Variants in AGAP3 observed in about 807,000 individuals in gnomAD.
The protein encoded by AGAP3 is arf-GAP with GTPase, ANK repeat and PH domain-containing protein 3.
In AGAP3, 24 loss-of-function variants were observed where a neutral mutation model predicts 96.9. The ratio of observed to expected loss-of-function variants is 0.25; its 90% CI spans 0.18 to 0.35. The LOEUF is 0.35. AGAP3 is among the 10% of genes least tolerant of loss of function. The pLI is 1.00. For synonymous variants in AGAP3, 563 were observed against 536.1 expected, an observed-to-expected ratio of 1.05 and a Z score of -0.69; for missense variants, 876 against 1,254.2, an observed-to-expected ratio of 0.70 and a Z score of 4.55.
intron 1 of AGAP3, among the ~76,000 whole-genome samples, chr7:151,110,271 T>A (rs1054234127): frequency 6.6e-6 from 1 of 152,210 alleles, no homozygotes; most frequent in Non-Finnish European, 1.5e-5. Context: ...GCCACCTTCA[T>A]GTGCCTGGCA....
chr7:151,123,193 A>AGCCGCC (rs1046346361), intron 8 of AGAP3: 80 of 1,051,348 alleles, frequency 7.6e-5, no homozygotes, highest in Non-Finnish European at 8.6e-5. Flanking sequence ...CTGCTCCGGA[A>AGCCGCC]GCCGCCGCCG....
In AGAP3 at chr7:151,087,145, C is replaced by A. The variant is rs766244980; in HGVS notation, c.331+73C>A. ...GGCGCCGGCCGAGGGCTCCACAGGC[C>A]GTGCCTGGCCATGCTCTCCCTGTCG... On this transcript the variant is annotated intron_variant, in intron 1 of 17. Transcript: ENST00000397238. 59 of 1,471,948 alleles carry A rather than the reference C, an allele frequency of 4.0e-5. No homozygotes were observed. The East Asian group carries it at 1.4e-3, about 36-fold the overall frequency. 91.2% of individuals were successfully genotyped at this position (1,471,948 alleles called of 1,614,324 possible). A position where few individuals can be genotyped will look rare whatever the true frequency, so the allele number is the denominator to read the frequency against.
Position 151,123,875 on chromosome 7 carries a change from C to G in AGAP3, c.1210C>G (p.Pro404Ala). The G allele has an allele frequency of 6.2e-7, 1 of 1,608,628 alleles. No individual in the cohort carries two copies. The stretch of plus-strand genomic sequence containing the variant: ...CAGCATCGGGAGCGGCCGCGCCATC[C>G]CCATCAAGCAGGTCAGCGCCTCCCT... ...VDSIGSGRAI[P>A]IKQGILLKRS... Residue 404 changes from proline to alanine, a missense_variant, in exon 9 of 18, where the codon CCC becomes GCC. Pro to Ala is a conservative substitution (Grantham distance 27, BLOSUM62 -1). Around this residue, in one of 8 missense-constraint regions of AGAP3, gnomAD observed 49 missense variants for 41.7 expected, o/e 1.17. Transcript: ENST00000397238.
chr7:151,141,170 G>A lies in AGAP3; in HGVS notation c.1805-728G>A, dbSNP rs1800798368. On this transcript the variant is annotated intron_variant, in intron 13 of 17. Coordinates refer to ENST00000397238, the MANE Select transcript of AGAP3 (RefSeq NM_031946.7). This position sits in a 1 kb window ranked among gnomAD's most constrained non-coding sequence, Gnocchi z 4.2. Reference sequence around the variant, plus strand: ...TTAGGAATTGTTCACCCATGGGGCAGTGACCATTGGGAATGAGATTCATGC... The same window carrying A: ...TTAGGAATTGTTCACCCATGGGGCAATGACCATTGGGAATGAGATTCATGC... The A allele has an allele frequency of 6.6e-6, 1 of 152,486 alleles. No individual in the cohort carries two copies. Among genetic ancestry groups the A allele is most frequent in the South Asian group, 2.1e-4 (1 of 4,836 alleles). 9.4% of individuals were successfully genotyped at this position (152,486 alleles called of 1,614,324 possible).
At chr7:151,129,768 C>T (rs1800332547) in intron 10 of AGAP3, among the ~76,000 whole-genome samples, 1 of 151,202 alleles carries the variant, frequency 6.6e-6, no homozygotes, top group Non-Finnish European at 1.5e-5. Context: ...GGCAGCCAGG[C>T]CTGCTGGGAA....
rs373422124 is a variant in AGAP3 at position 151,120,304 on chromosome 7, G to A, written c.1128+159G>A. On this transcript the variant is annotated intron_variant, in intron 8 of 17. Coordinates refer to ENST00000397238, the MANE Select transcript of AGAP3 (RefSeq NM_031946.7). Reference sequence around the variant, plus strand: ...CACACGGCTCCCGAGGGTCCTTGCCGGTGCCCTCAGAGTCTTCCAGACTGT... The same window carrying A: ...CACACGGCTCCCGAGGGTCCTTGCCAGTGCCCTCAGAGTCTTCCAGACTGT... 9.8e-5 allele frequency among the ~76,000 whole-genome samples: 15 copies of A among 152,292 alleles called. No individual in the cohort carries two copies. In the East Asian group the frequency reaches 2.7e-3, roughly 27 times the overall value.
Position 151,104,855 on chromosome 7 carries a change from A to G in AGAP3, c.332-11938A>G, listed in dbSNP as rs1198299215. Among the ~76,000 whole-genome samples the G allele has an allele frequency of 3.3e-5, 5 of 152,324 alleles. No individual in the cohort carries two copies. The South Asian group carries it at 1.0e-3, about 32-fold the overall frequency. The stretch of plus-strand genomic sequence containing the variant: ...GACGTGACTGTCCCTCAGCAGGGGA[A>G]GGGTTGAAGAACGGACAGAACATGC... On this transcript the variant is annotated intron_variant, in intron 1 of 17. Coordinates refer to ENST00000397238, the MANE Select transcript of AGAP3 (RefSeq NM_031946.7).
At chr7:151,122,656 C>T (rs1041626316) in intron 8 of AGAP3, 12 of 1,595,120 alleles carry the variant, frequency 7.5e-6, no homozygotes, top group African/African-American at 2.7e-5. Flanking sequence ...CTGCCCTCAC[C>T]GGTGCTGACC....
chr7:151,123,225 C>G (rs564605924), intron 8 of AGAP3: 2 of 1,075,312 alleles, frequency 1.9e-6, no homozygotes, highest in East Asian at 1.8e-4. Flanking sequence ...GCCTTGCCCC[C>G]TCTTTTTGGC....
rs757056103 is a variant in AGAP3, at chr7:151,143,223, C to G, written c.2274-118C>G. 5.6e-5 allele frequency: 72 copies of G among 1,284,322 alleles called. No homozygotes were observed. Among genetic ancestry groups the G allele is most frequent in the Non-Finnish European group, 7.3e-5 (68 of 937,508 alleles). 79.6% of individuals were successfully genotyped at this position (1,284,322 alleles called of 1,614,324 possible). A position where few individuals can be genotyped will look rare whatever the true frequency, so the allele number is the denominator to read the frequency against. ...TCCTTTTTGCTCCATCTCATCTTCT[C>G]TCACTGTTTCTTCCTTGTTCCCCCG... On this transcript the variant is annotated intron_variant, in intron 16 of 17. Transcript: ENST00000397238. This position sits in a 1 kb window ranked among gnomAD's most constrained non-coding sequence, Gnocchi z 5.9.
chr7:151,121,275 C>G (rs1383100252), intron 8 of AGAP3, among the ~76,000 whole-genome samples: 1 of 152,158 alleles, frequency 6.6e-6, no homozygotes. Context: ...TGCAGCTGCC[C>G]GGCCCTGACC....
chr7:151,098,661 A>G (rs1453623355), intron 1 of AGAP3, among the ~76,000 whole-genome samples: 1 of 152,080 alleles, frequency 6.6e-6, no homozygotes, highest in Non-Finnish European at 1.5e-5. Flanking sequence ...TTAAAAATAA[A>G]TAAATAACAA....
In AGAP3 at chr7:151,140,077, G is replaced by C; in HGVS notation, c.1765G>C (p.Gly589Arg). 1 of 1,605,060 alleles carries C rather than the reference G, an allele frequency of 6.2e-7. No homozygotes were observed. The highest frequency in any genetic ancestry group is 8.5e-7 in the Non-Finnish European group (1 of 1,176,284). ...RKKHRRKKST[G>R]TPRPDGPSSA... ...GAAGCACCGGAGGAAAAAGAGCACC[G>C]GGACCCCCCGACCAGACGGCCCCAG... Residue 589 changes from glycine to arginine, a missense_variant, in exon 13 of 18, where the codon GGG (glycine) becomes CGG (arginine). Coordinates refer to ENST00000397238, the MANE Select transcript of AGAP3 (RefSeq NM_031946.7). The surrounding 1 kb of genome is among the most constrained non-coding windows in gnomAD (Gnocchi z 5.4).
rs1033400821 is a variant in AGAP3, at chr7:151,143,043, G to A, written c.2274-298G>A. ...CAGACGGCCAGATAAGCTGCAACAC[G>A]GGCCTGCCTGGAATCTTCCTGCCCT... is the stretch of plus-strand genomic sequence containing the variant. On this transcript the variant is annotated intron_variant, in intron 16 of 17. Coordinates refer to ENST00000397238, the MANE Select transcript of AGAP3 (RefSeq NM_031946.7). The surrounding 1 kb of genome is among the most constrained non-coding windows in gnomAD (Gnocchi z 5.9). Among the ~76,000 whole-genome samples the A allele has an allele frequency of 6.6e-6, 1 of 152,038 alleles. No individual in the cohort carries two copies. Among genetic ancestry groups the A allele is most frequent in the South Asian group, 2.1e-4 (1 of 4,826 alleles).
intron 8 of AGAP3, among the ~76,000 whole-genome samples, chr7:151,122,569 C>G (rs959197912): frequency 6.6e-6 from 1 of 150,998 alleles, no homozygotes; most frequent in Admixed American, 6.6e-5. Context: ...CCTTGTCCTT[C>G]TCCTCTTCCT....
At position 151,128,672 on chromosome 7, in the gene AGAP3, C is replaced by T. The variant is rs999818995; in HGVS notation, c.1314C>T (p.His438=). The T allele has an allele frequency of 1.9e-6, 3 of 1,613,462 alleles. No individual in the cohort carries two copies. Among genetic ancestry groups the T allele is most frequent in the South Asian group, 1.1e-5 (1 of 91,068 alleles). ...GTGACAACGGGCTGCTCACCTATCACCCCAGCCTGCATGTGAGTCTGGGAG... is the reference window on the plus strand; with the variant it reads ...GTGACAACGGGCTGCTCACCTATCATCCCAGCCTGCATGTGAGTCTGGGAG... The part of the protein sequence containing the change: ...TLCDNGLLTY[H]PSLHDYMQNI... Residue 438 remains histidine, a synonymous_variant, in exon 10 of 18, where the codon CAC becomes CAT. Transcript: ENST00000397238.
intron 11 of AGAP3, among the ~76,000 whole-genome samples, chr7:151,135,421 T>A (rs938352713): frequency 6.6e-6 from 1 of 152,186 alleles, no homozygotes; most frequent in African/African-American, 2.4e-5. Flanking sequence ...CCTGTGCTTG[T>A]CACAGTGAGG....
intron 1 of AGAP3, among the ~76,000 whole-genome samples, chr7:151,112,396 CGTGT>C (rs71819427): frequency 0.035 from 4,882 of 139,856 alleles, 83 homozygotes; most frequent in South Asian, 0.038. Flanking sequence ...TTCCCCGAGA[CGTGT>C]GTGTGTGTGT....
chr7:151,094,588 G>A (rs928782287), intron 1 of AGAP3, among the ~76,000 whole-genome samples: 1 of 152,160 alleles, frequency 6.6e-6, no homozygotes, highest in African/African-American at 2.4e-5. Context: ...CTATTAGTGA[G>A]AGTTGATATT....
Sources: gnomAD v4.1 joint callset for allele counts (sites outside exome capture counted in the v4.1 genomes callset) on GRCh38, gnomAD v4.1.1 for gene constraint, gnomAD v4.1.1 regional missense constraint, Gnocchi (gnomAD v3.1) non-coding constraint, MANE v1.5 for transcripts, NCBI Gene and HGNC (gene_info 2026-07-23, HGNC 2026-07-21) for gene names.